CDH18: variants seen among roughly 807,000 people sequenced by gnomAD.
CDH18 encodes the protein cadherin-18.
CDH18 carries 31 observed loss-of-function variants against 67.9 expected under a neutral mutation model. That is an observed-to-expected ratio of 0.46 (90% confidence interval 0.34 to 0.62). The LOEUF is 0.62. Among genes scored for constraint, CDH18 ranks in the 20% least tolerant of loss-of-function variants. The pLI is 0.01. For missense variants in CDH18, 890 were observed against 975.5 expected, an observed-to-expected ratio of 0.91 and a Z score of 1.17; for synonymous variants, 362 against 347.2, an observed-to-expected ratio of 1.04 and a Z score of -0.48.
At position 19,566,753 on chromosome 5, in the gene CDH18, A is replaced by AAACCAGT. The variant is rs1348905077; in HGVS notation, c.1253+4819_1253+4825dup. Among the ~76,000 whole-genome samples, 5 of 152,196 alleles carry AAACCAGT rather than the reference A, an allele frequency of 3.3e-5. No individual in the cohort carries two copies. The South Asian group carries it at 8.3e-4, about 25-fold the overall frequency. On this transcript the variant is annotated intron_variant, in intron 8 of 12. Transcript: ENST00000382275. ...ACACAGCCAAACCATATCAGAAAGGAAACCAGTACACTGAAGAGATATCTG... is the reference window on the plus strand; with the variant it reads ...ACACAGCCAAACCATATCAGAAAGGAAACCAGTAACCAGTACACTGAAGAGATATCTG...
In CDH18 at chr5:20,548,586, T is replaced by G. The variant is rs535928621; in HGVS notation, c.-580+26876A>C. ...ACAATGCTCATCTCACAGAAGTTGT[T>G]CTTTCCACATTTGCCATAAAGAGCA... On this transcript the variant is annotated intron_variant, in intron 1 of 14. Transcript: ENST00000507958. 1.7e-3 allele frequency among the ~76,000 whole-genome samples: 255 copies of G among 152,310 alleles called. 1 individual carries two copies. Among genetic ancestry groups the G allele is most frequent in the African/African-American group, 5.8e-3 (240 of 41,572 alleles).
chr5:19,956,293 A>C (rs371607635), intron 2 of CDH18, among the ~76,000 whole-genome samples: 1 of 152,022 alleles, frequency 6.6e-6, no homozygotes, highest in East Asian at 1.9e-4. Context: ...TCATTTATGC[A>C]GTGAAAAGTA....
intron 1 of CDH18, among the ~76,000 whole-genome samples, chr5:20,431,829 G>T (rs534809888): frequency 6.6e-6 from 1 of 152,196 alleles, no homozygotes; most frequent in East Asian, 1.9e-4. Context: ...TTTATCTGAG[G>T]TTTTTCTTTT....
At position 20,449,867 on chromosome 5, in the gene CDH18, C is replaced by T. The variant is rs541279697; in HGVS notation, c.-580+125595G>A. On this transcript the variant is annotated intron_variant, in intron 1 of 14. Transcript: ENST00000507958. The stretch of plus-strand genomic sequence containing the variant: ...TATAATTGAATTGCTAATGAGTAAA[C>T]GTTGATAATTTATAACAATATTTTC... 7.2e-5 allele frequency among the ~76,000 whole-genome samples: 11 copies of T among 151,960 alleles called. No homozygotes were observed. In the South Asian group the frequency reaches 1.5e-3, roughly 20 times the overall value.
upstream of CDH18, among the ~76,000 whole-genome samples, chr5:19,991,663 T>C (rs1259284026): frequency 6.6e-6 from 1 of 152,144 alleles, no homozygotes; most frequent in Admixed American, 6.5e-5. Flanking sequence ...AAAGATGATC[T>C]AATTTAGTTA....
chr5:19,796,052 G>A (rs1776821659), intron 3 of CDH18, among the ~76,000 whole-genome samples: 1 of 151,914 alleles, frequency 6.6e-6, no homozygotes, highest in Non-Finnish European at 1.5e-5. Flanking sequence ...AAAACAGAGA[G>A]AAAAACTGTC....
At chr5:20,088,593 G>A (rs562586005) in intron 2 of CDH18, among the ~76,000 whole-genome samples, 2 of 152,310 alleles carry the variant, frequency 1.3e-5, no homozygotes, top group African/African-American at 4.8e-5. Flanking sequence ...ATGGCAGACT[G>A]TGCAGACAGG....
At chr5:19,741,287 A>G (rs1048583580) in intron 4 of CDH18, among the ~76,000 whole-genome samples, 1 of 142,430 alleles carries the variant, frequency 7.0e-6, no homozygotes, top group Non-Finnish European at 1.5e-5. Context: ...ACGTGTATAT[A>G]TACATACATA....
intron 1 of CDH18, among the ~76,000 whole-genome samples, chr5:20,348,955 T>C (rs2150054127): frequency 6.6e-6 from 1 of 152,314 alleles, no homozygotes; most frequent in South Asian, 2.1e-4. Context: ...TAAGTATAAT[T>C]ATTTTTAAAA....
intron 2 of CDH18, among the ~76,000 whole-genome samples, chr5:20,040,098 A>G (rs1486291721): frequency 6.6e-6 from 1 of 152,194 alleles, no homozygotes; most frequent in East Asian, 1.9e-4. Context: ...CATATGAAAA[A>G]AACCTCATCA....
rs186510954 is a variant in CDH18 at position 19,609,874 on chromosome 5, G to A, written c.811+2560C>T. 1.6e-4 allele frequency among the ~76,000 whole-genome samples: 25 copies of A among 152,094 alleles called. No homozygotes were observed. In the South Asian group the frequency reaches 3.1e-3, roughly 19 times the overall value. On this transcript the variant is annotated intron_variant, in intron 6 of 12. Transcript: ENST00000382275. ...GAATTTGAGCTGTGTATAGACTTGC[G>A]CATGTCATGGTATTTTGTGAATACA...
intron 11 of CDH18, among the ~76,000 whole-genome samples, chr5:19,490,425 T>TTTTTTTTTTTTTA (rs1741261622): frequency 1.0e-5 from 1 of 97,792 alleles, no homozygotes. Context: ...TTTTTTTTTT[T>TTTTTTTTTTTTTA]GAGACAGAGT....
At chr5:20,124,731 G>A (rs542279239) in intron 2 of CDH18, among the ~76,000 whole-genome samples, 5 of 152,238 alleles carry the variant, frequency 3.3e-5, no homozygotes, top group African/African-American at 1.2e-4. Context: ...TTTGTTTACC[G>A]ATGCATCCCA....
intron 1 of CDH18, among the ~76,000 whole-genome samples, chr5:20,345,132 C>T (rs1740598074): frequency 6.6e-6 from 1 of 152,138 alleles, no homozygotes; most frequent in Non-Finnish European, 1.5e-5. Context: ...TGCATTTTTA[C>T]AGGGAGACTT....
At chr5:19,920,648 G>A (rs1792334770) in intron 2 of CDH18, among the ~76,000 whole-genome samples, 1 of 151,234 alleles carries the variant, frequency 6.6e-6, no homozygotes, top group African/African-American at 2.4e-5. Context: ...TGAGTAGCTG[G>A]GATTACAGAT....
chr5:20,490,049 T>C (rs1007796265), intron 1 of CDH18, among the ~76,000 whole-genome samples: 9 of 150,656 alleles, frequency 6.0e-5, no homozygotes, highest in Non-Finnish European at 1.3e-4. Flanking sequence ...TAATTGAATA[T>C]TCTATAGATA....
At chr5:20,113,055 C>T (rs1241385883) in intron 2 of CDH18, among the ~76,000 whole-genome samples, 1 of 152,132 alleles carries the variant, frequency 6.6e-6, no homozygotes, top group Non-Finnish European at 1.5e-5. Context: ...CTTGGAGACC[C>T]AGTTCTTTAG....
chr5:20,017,603 T>G (rs1039867462), intron 2 of CDH18, among the ~76,000 whole-genome samples: 2 of 152,212 alleles, frequency 1.3e-5, no homozygotes, highest in African/African-American at 4.8e-5. Flanking sequence ...TCTGAATTAT[T>G]CTAAATCAAC....
chr5:20,100,823 C>A (rs1746399578), intron 2 of CDH18, among the ~76,000 whole-genome samples: 1 of 151,994 alleles, frequency 6.6e-6, no homozygotes, highest in Admixed American at 6.5e-5. Context: ...ATTGTTTTCT[C>A]TTGGCATCTA....
Sources: allele counts gnomAD v4.1 joint callset (sites outside exome capture counted in the v4.1 genomes callset), GRCh38; gene constraint gnomAD v4.1.1; transcripts MANE v1.5; gene names NCBI Gene and HGNC (gene_info 2026-07-23, HGNC 2026-07-21).